The following CAMK1D variants were observed in gnomAD, a reference collection of about 807,000 sequenced individuals.
CAMK1D encodes the protein calcium/calmodulin-dependent protein kinase type 1D.
CAMK1D carries 9 observed loss-of-function variants against 47.7 expected under a neutral mutation model. The observed-to-expected ratio is 0.19, with a 90% CI of 0.11 to 0.33. The LOEUF (loss-of-function observed/expected upper bound fraction) is 0.33. Among genes scored for constraint, CAMK1D ranks in the 10% least tolerant of loss-of-function variants. The pLI is 1.00. For synonymous variants in CAMK1D, 184 were observed against 184.9 expected, an observed-to-expected ratio of 0.99 and a Z score of 0.04; for missense variants, 291 against 488.7, an observed-to-expected ratio of 0.60 and a Z score of 3.81.
chr10:12,819,025 T>A (rs548948359), intron 8 of CAMK1D, among the ~76,000 whole-genome samples: 3 of 152,244 alleles, frequency 2.0e-5, no homozygotes, highest in African/African-American at 7.2e-5. Flanking sequence ...ATGACCTCAA[T>A]AAAAGAGGGA....
intron 8 of CAMK1D, among the ~76,000 whole-genome samples, chr10:12,821,585 G>A (rs1211901686): frequency 6.6e-6 from 1 of 152,244 alleles, no homozygotes; most frequent in African/African-American, 2.4e-5. Flanking sequence ...AAAGGCAGGG[G>A]AGACTAGGCT....
At chr10:12,620,830 A>T (rs1051714394) in intron 2 of CAMK1D, among the ~76,000 whole-genome samples, 1 of 152,186 alleles carries the variant, frequency 6.6e-6, no homozygotes, top group Admixed American at 6.5e-5. Flanking sequence ...TTCAGTTGTA[A>T]GAACTCTTTG....
chr10:12,689,788 A>T (rs1321915370), intron 3 of CAMK1D, among the ~76,000 whole-genome samples: 1 of 150,022 alleles, frequency 6.7e-6, no homozygotes, highest in African/African-American at 2.5e-5. Flanking sequence ...AAAAAAAAAA[A>T]GAAATGGTTT....
At chr10:12,645,409 A>T (rs183667327) in intron 2 of CAMK1D, among the ~76,000 whole-genome samples, 1 of 152,332 alleles carries the variant, frequency 6.6e-6, no homozygotes, top group Admixed American at 6.5e-5. Context: ...ACAAACGTCA[A>T]ATCGGCTTAA....
intron 5 of CAMK1D, among the ~76,000 whole-genome samples, chr10:12,773,287 T>G (rs1055822913): frequency 2.0e-5 from 3 of 152,202 alleles, no homozygotes; most frequent in African/African-American, 4.8e-5. Flanking sequence ...CTCTGTGCAG[T>G]CGTCCCATGG....
chr10:12,356,716 CA>C (rs1837528461), intron 1 of CAMK1D, among the ~76,000 whole-genome samples: 1 of 84,572 alleles, frequency 1.2e-5, no homozygotes, highest in Non-Finnish European at 2.4e-5. Context: ...AGTGAGACTC[CA>C]TTTCAAAAAA....
chr10:12,716,035 A>G (rs1314423218), intron 3 of CAMK1D, among the ~76,000 whole-genome samples: 1 of 152,056 alleles, frequency 6.6e-6, no homozygotes. Flanking sequence ...TAATAAATTC[A>G]GTAAATAGTT....
chr10:12,576,791 G>A (rs192591228), intron 2 of CAMK1D, among the ~76,000 whole-genome samples: 20 of 152,288 alleles, frequency 1.3e-4, no homozygotes, highest in South Asian at 2.1e-4. Context: ...TGGTACTGCC[G>A]TTCTGGAGAC....
intron 1 of CAMK1D, among the ~76,000 whole-genome samples, chr10:12,533,610 T>A (rs1296506536): frequency 6.6e-6 from 1 of 152,168 alleles, no homozygotes; most frequent in Non-Finnish European, 1.5e-5. Flanking sequence ...GTTATCATGA[T>A]CCACCCTGCC....
intron 1 of CAMK1D, among the ~76,000 whole-genome samples, chr10:12,463,889 G>A (rs1186407400): frequency 6.6e-6 from 1 of 152,070 alleles, no homozygotes; most frequent in Non-Finnish European, 1.5e-5. Flanking sequence ...TTGTATAAGT[G>A]TGTGGTAGTG....
intron 1 of CAMK1D, among the ~76,000 whole-genome samples, chr10:12,441,188 CTTACA>C (rs1832774705): frequency 6.6e-6 from 1 of 152,194 alleles, no homozygotes; most frequent in African/African-American, 2.4e-5. Flanking sequence ...TCACATATGA[CTTACA>C]TTAATTTTTG....
At chr10:12,372,215 T>G (rs1455030743) in intron 1 of CAMK1D, among the ~76,000 whole-genome samples, 1 of 152,190 alleles carries the variant, frequency 6.6e-6, no homozygotes, top group Non-Finnish European at 1.5e-5. Context: ...GATGCATTTC[T>G]CAGAACATAC....
intron 1 of CAMK1D, among the ~76,000 whole-genome samples, chr10:12,410,818 C>G (rs1011394058): frequency 1.3e-5 from 2 of 152,146 alleles, no homozygotes; most frequent in Non-Finnish European, 1.5e-5. Flanking sequence ...TCAGTTCTGT[C>G]TTGAAAGATA....
intron 1 of CAMK1D, among the ~76,000 whole-genome samples, chr10:12,405,252 C>T (rs1185464073): frequency 6.6e-6 from 1 of 152,170 alleles, no homozygotes; most frequent in Non-Finnish European, 1.5e-5. Flanking sequence ...CCAGCCAGCT[C>T]ATTTTGCAGA....
intron 1 of CAMK1D, among the ~76,000 whole-genome samples, chr10:12,443,746 C>T (rs555691028): frequency 5.6e-4 from 86 of 152,312 alleles, no homozygotes; most frequent in South Asian, 2.3e-3. Context: ...TCTCCTGCCT[C>T]AGCCTCCTGA....
intron 2 of CAMK1D, among the ~76,000 whole-genome samples, chr10:12,642,059 A>AAAG (rs1283699799): frequency 1.3e-5 from 2 of 151,932 alleles, no homozygotes; most frequent in East Asian, 3.8e-4. Context: ...AAAAAAAAAA[A>AAAG]AAAGAAAGAA....
intron 2 of CAMK1D, among the ~76,000 whole-genome samples, chr10:12,645,638 C>G (rs569523257): frequency 1.3e-5 from 2 of 152,268 alleles, no homozygotes; most frequent in South Asian, 4.2e-4. Flanking sequence ...TTAAGGCTGG[C>G]ACCAAGTGCT....
rs537527734 is a variant in CAMK1D, at chr10:12,474,511, C to T, written c.93-78714C>T. 1.6e-4 allele frequency among the ~76,000 whole-genome samples: 25 copies of T among 152,154 alleles called. 1 individual carries two copies. The South Asian group carries it at 3.7e-3, about 23-fold the overall frequency. Reference sequence around the variant, plus strand: ...CCTGGCCCGAGGATGGTTCTTTAACCATCCTATTTATTGTGTTAAAACATT... The same window carrying T: ...CCTGGCCCGAGGATGGTTCTTTAACTATCCTATTTATTGTGTTAAAACATT... On this transcript the variant is annotated intron_variant, in intron 1 of 10. Transcript: ENST00000619168.
At chr10:12,387,193 G>A (rs1588429470) in intron 1 of CAMK1D, among the ~76,000 whole-genome samples, 1 of 145,676 alleles carries the variant, frequency 6.9e-6, no homozygotes, top group African/African-American at 2.6e-5. Context: ...GTCCAAGAGA[G>A]ACTCCATCTC....
Sources: allele counts gnomAD v4.1 joint callset (sites outside exome capture counted in the v4.1 genomes callset), GRCh38; gene constraint gnomAD v4.1.1; transcripts MANE v1.5; gene names NCBI Gene and HGNC (gene_info 2026-07-23, HGNC 2026-07-21).